Variants in SIK3 observed in about 807,000 individuals in gnomAD.
SIK3 encodes serine/threonine-protein kinase SIK3.
In SIK3, 28 loss-of-function variants were observed where a neutral mutation model predicts 144.2. The observed-to-expected ratio is 0.19, with a 90% CI of 0.14 to 0.27. SIK3 has a LOEUF of 0.27. Ranked by LOEUF, SIK3 falls within the 10% of genes least tolerant of loss-of-function variation. The probability of loss-of-function intolerance (pLI) is 1.00; values close to 1 mark genes in which losing one functional copy is unlikely to be tolerated. For missense variants in SIK3, 1,319 were observed against 1,776.0 expected, an observed-to-expected ratio of 0.74 and a Z score of 4.62; for synonymous variants, 686 against 676.3, an observed-to-expected ratio of 1.01 and a Z score of -0.22.
At position 117,072,230 on chromosome 11, in the gene SIK3, A is replaced by T. The variant is rs563060944; in HGVS notation, c.273+25913T>A. Among the ~76,000 whole-genome samples, 8 of 152,214 alleles carry T rather than the reference A, an allele frequency of 5.3e-5. No homozygotes were observed. In the East Asian group the frequency reaches 1.5e-3, roughly 29 times the overall value. Reference sequence around the variant, plus strand: ...TGGCAAAACCCCATCTCCACAAAAAATACAAAAATTAGCCAGGCCTGGTGG... The same window carrying T: ...TGGCAAAACCCCATCTCCACAAAAATTACAAAAATTAGCCAGGCCTGGTGG... On this transcript the variant is annotated intron_variant, in intron 1 of 24. Coordinates refer to ENST00000445177, the MANE Select transcript of SIK3 (RefSeq NM_001366686.3).
At chr11:116,859,956 G>A (rs581828) in intron 19 of SIK3, among the ~76,000 whole-genome samples, 3,181 of 152,242 alleles carry the variant, frequency 0.021, 114 homozygotes, top group African/African-American at 0.07. Flanking sequence ...GGTTAAAAAT[G>A]CAGACTCTAG....
chr11:116,905,547 G>A (rs999217583), intron 4 of SIK3, among the ~76,000 whole-genome samples: 9 of 152,140 alleles, frequency 5.9e-5, no homozygotes, highest in African/African-American at 1.4e-4. Context: ...CAAAGTGGCC[G>A]TACCATTATA....
chr11:117,051,998 C>T (rs61905719), intron 1 of SIK3, among the ~76,000 whole-genome samples: 24,657 of 151,850 alleles, frequency 0.16, 2,115 homozygotes, highest in Admixed American at 0.21. Context: ...AAAAATTAGC[C>T]GGTCGTGGTG....
intron 4 of SIK3, among the ~76,000 whole-genome samples, chr11:116,909,707 A>G (rs1160206575): frequency 2.0e-5 from 3 of 152,188 alleles, no homozygotes; most frequent in Admixed American, 1.3e-4. Flanking sequence ...CCTAGGGCCT[A>G]GCACAGTGCT....
intron 3 of SIK3, among the ~76,000 whole-genome samples, chr11:116,946,300 G>C (rs1309847693): frequency 6.6e-6 from 1 of 152,148 alleles, no homozygotes; most frequent in Non-Finnish European, 1.5e-5. Flanking sequence ...AACTCAACCT[G>C]CCACAATTAC....
chr11:116,922,044 A>G (rs1472627641), intron 4 of SIK3, among the ~76,000 whole-genome samples: 1 of 152,074 alleles, frequency 6.6e-6, no homozygotes, highest in Non-Finnish European at 1.5e-5. Flanking sequence ...GATGCATGCC[A>G]CCTTGCTCAG....
At chr11:117,080,782 T>C (rs1954750134) in intron 1 of SIK3, among the ~76,000 whole-genome samples, 1 of 151,950 alleles carries the variant, frequency 6.6e-6, no homozygotes, top group African/African-American at 2.4e-5. Flanking sequence ...ACCCCGTCTC[T>C]ACTAAAAATA....
chr11:116,980,663 G>T (rs1950109062), intron 1 of SIK3, among the ~76,000 whole-genome samples: 1 of 152,080 alleles, frequency 6.6e-6, no homozygotes, highest in Admixed American at 6.5e-5. Flanking sequence ...GACCAGCCTG[G>T]GCAACATGGT....
intron 4 of SIK3, among the ~76,000 whole-genome samples, chr11:116,903,355 T>C (rs1755731306): frequency 6.6e-6 from 1 of 152,162 alleles, no homozygotes; most frequent in Admixed American, 6.5e-5. Flanking sequence ...AGGGGAATGC[T>C]GGGGTGTGTG....
chr11:117,050,293 C>T (rs952604023), intron 1 of SIK3, among the ~76,000 whole-genome samples: 3 of 149,656 alleles, frequency 2.0e-5, no homozygotes, highest in Non-Finnish European at 4.5e-5. Context: ...CCATCACACA[C>T]ACACACACAC....
rs758108441 is a variant in SIK3 at position 116,867,754 on chromosome 11, T to C, written c.1952+192A>G. On this transcript the variant is annotated intron_variant, in intron 15 of 24. Coordinates refer to ENST00000445177, the MANE Select transcript of SIK3 (RefSeq NM_001366686.3). This position sits in a 1 kb window ranked among gnomAD's most constrained non-coding sequence, Gnocchi z 4.1. Reference sequence around the variant, plus strand: ...GTAATGGGAGAGAGGAATCTCGCATTGCTCCAGGGCGCAGTAAAAAACCTT... The same window carrying C: ...GTAATGGGAGAGAGGAATCTCGCATCGCTCCAGGGCGCAGTAAAAAACCTT... The C allele has an allele frequency of 4.0e-4, 181 of 454,662 alleles. No individual in the cohort carries two copies. The highest frequency in any genetic ancestry group is 5.6e-4 in the Middle Eastern group (1 of 1,794). The allele number at this position is 454,662 out of a possible 1,614,324, so 28.2% of individuals were successfully genotyped here. A position where few individuals can be genotyped will look rare whatever the true frequency, so the allele number is the denominator to read the frequency against.
chr11:116,895,958 T>G (rs1591257830), intron 6 of SIK3, among the ~76,000 whole-genome samples: 3 of 152,230 alleles, frequency 2.0e-5, no homozygotes, highest in Admixed American at 2.0e-4. Context: ...CATTATCTCA[T>G]TTAATCCTTA....
chr11:116,874,048 A>G lies in SIK3; in HGVS notation c.1436T>C (p.Val479Ala). The G allele has an allele frequency of 6.2e-7, 1 of 1,613,376 alleles. No homozygotes were observed. Among genetic ancestry groups the G allele is most frequent in the Non-Finnish European group, 8.5e-7 (1 of 1,179,784 alleles). Residue 479 changes from valine to alanine, a missense_variant, in exon 12 of 25, where the codon GTT becomes GCT. Val to Ala is a moderately conservative substitution (Grantham distance 64). This residue lies in a region of SIK3 where 167 missense variants were observed against 263.3 expected (regional missense o/e 0.63). Transcript: ENST00000445177. ...TAGGAGCTTCTGCAGATCTTCCATA[A>G]CTTCCGTGCTGATACAAAACAGAAT... ...TVGVADPRTE[V>A]MEDLQKLLPG...
chr11:116,925,124 T>C (rs1241027057), intron 4 of SIK3, among the ~76,000 whole-genome samples: 1 of 151,980 alleles, frequency 6.6e-6, no homozygotes, highest in African/African-American at 2.4e-5. Context: ...CTACTAAAAA[T>C]ACAAAAGTTA....
At chr11:117,089,290 C>T (rs1195549473) in intron 1 of SIK3, among the ~76,000 whole-genome samples, 2 of 151,846 alleles carry the variant, frequency 1.3e-5, no homozygotes, top group Non-Finnish European at 2.9e-5. Context: ...GCCTGTAGTC[C>T]CAACTACTCT....
chr11:117,042,206 C>T (rs1403213115), intron 1 of SIK3, among the ~76,000 whole-genome samples: 2 of 152,204 alleles, frequency 1.3e-5, no homozygotes, highest in African/African-American at 2.4e-5. Flanking sequence ...TGCCAAAGCA[C>T]TCTTTCTCAC....
intron 1 of SIK3, among the ~76,000 whole-genome samples, chr11:117,072,086 A>G (rs1954306153): frequency 6.6e-6 from 1 of 152,172 alleles, no homozygotes; most frequent in Non-Finnish European, 1.5e-5. Context: ...AATCTCAAAT[A>G]CTAAAATGAC....
At chr11:117,091,200 C>CTTTTTTTTTT (rs386375011) in intron 1 of SIK3, among the ~76,000 whole-genome samples, 13 of 93,004 alleles carry the variant, frequency 1.4e-4, no homozygotes, top group Admixed American at 3.0e-4. Flanking sequence ...TTTTTTTTTT[C>CTTTTTTTTTT]TTTTTTTTTT....
intron 1 of SIK3, among the ~76,000 whole-genome samples, chr11:117,079,355 C>T (rs1216237911): frequency 6.6e-6 from 1 of 152,042 alleles, no homozygotes; most frequent in East Asian, 1.9e-4. Flanking sequence ...AGGAAAAGAG[C>T]AATTATGCAA....
Sources: gnomAD v4.1 joint callset for allele counts (sites outside exome capture counted in the v4.1 genomes callset) on GRCh38, gnomAD v4.1.1 for gene constraint, gnomAD v4.1.1 regional missense constraint, Gnocchi (gnomAD v3.1) non-coding constraint, MANE v1.5 for transcripts, NCBI Gene and HGNC (gene_info 2026-07-23, HGNC 2026-07-21) for gene names.